PDGFA: variants seen among roughly 807,000 people sequenced by gnomAD.
PDGFA encodes the protein platelet derived growth factor subunit A, also known as platelet-derived growth factor subunit A.
PDGFA carries 9 observed loss-of-function variants against 25.6 expected under a neutral mutation model. The ratio of observed to expected loss-of-function variants is 0.35; its 90% CI spans 0.21 to 0.61. PDGFA has a LOEUF of 0.61. Ranked by LOEUF, PDGFA falls within the 20% of genes least tolerant of loss-of-function variation. The pLI, the probability that PDGFA is intolerant of heterozygous loss-of-function variation, is 0.75. For synonymous variants in PDGFA, 133 were observed against 111.8 expected (o/e 1.19, Z -1.20); for missense variants, 242 against 272.8 (o/e 0.89, Z 0.79).
chr7:498,733 G>A (rs957450928), intron 5 of PDGFA, among the ~76,000 whole-genome samples, 159 bp from the exon 6 acceptor site: 2 of 152,220 alleles, frequency 1.3e-5, no homozygotes, highest in African/African-American at 2.4e-5. Flanking sequence ...AATCACATTT[G>A]CCACATTGGC....
chr7:500,609 C>T lies in PDGFA; in HGVS notation c.580+507G>A. The T allele has an allele frequency of 6.4e-7, 1 of 1,559,282 alleles. No homozygotes were observed. The highest frequency in any genetic ancestry group is 8.7e-7 in the Non-Finnish European group (1 of 1,155,632). On this transcript the variant is annotated intron_variant, in intron 5 of 5. Transcript: ENST00000402802. The surrounding 1 kb of genome is among the most constrained non-coding windows in gnomAD (Gnocchi z 5.0). Reference sequence around the variant, plus strand: ...TGTTTATCTTTCCAGAAGAGAAGGCCAGCACCCTGGCACCGAGAAACTTCT... The same window carrying T: ...TGTTTATCTTTCCAGAAGAGAAGGCTAGCACCCTGGCACCGAGAAACTTCT...
chr7:500,992 T>C lies in PDGFA; in HGVS notation c.580+124A>G. 4.4e-6 allele frequency: 7 copies of C among 1,602,928 alleles called. No homozygotes were observed. Among genetic ancestry groups the C allele is most frequent in the Non-Finnish European group, 5.9e-6 (7 of 1,178,974 alleles). ...GGCCCGGGAGCAGGGCAACGAATCC[T>C]TCAACAGCAGCCCAGATGCTCACAG... On this transcript the variant is annotated intron_variant, in intron 5 of 5. Transcript: ENST00000402802. The surrounding 1 kb of genome is among the most constrained non-coding windows in gnomAD (Gnocchi z 5.0).
chr7:498,199 A>T (rs1782178934), exon 6 of PDGFA: 5 of 253,338 alleles, frequency 2.0e-5, no homozygotes, highest in Non-Finnish European at 7.6e-6. Context: ...CCCGGACAGA[A>T]ATCCAGTCTG....
chr7:500,784 AG>A lies in PDGFA; in HGVS notation c.580+331del. ...ACCTGCTCCTCCCGCCCACCCTGGC[AG>A]GAGGCCCTTCTGCAGATTCTTCTCA... On this transcript the variant is annotated intron_variant, in intron 5 of 5. Transcript: ENST00000402802. The surrounding 1 kb of genome is among the most constrained non-coding windows in gnomAD (Gnocchi z 5.0). 1 of 1,443,136 alleles carries A rather than the reference AG, an allele frequency of 6.9e-7. No individual in the cohort carries two copies. Among genetic ancestry groups the A allele is most frequent in the Non-Finnish European group, 9.1e-7 (1 of 1,099,668 alleles). 89.4% of individuals were successfully genotyped at this position (1,443,136 alleles called of 1,614,324 possible). A position where few individuals can be genotyped will look rare whatever the true frequency, so the allele number is the denominator to read the frequency against.
In PDGFA at chr7:500,996, A is replaced by G. The variant is rs752762323; in HGVS notation, c.580+120T>C. Reference sequence around the variant, plus strand: ...CGGGAGCAGGGCAACGAATCCTTCAACAGCAGCCCAGATGCTCACAGCAGT... The same window carrying G: ...CGGGAGCAGGGCAACGAATCCTTCAGCAGCAGCCCAGATGCTCACAGCAGT... On this transcript the variant is annotated intron_variant, in intron 5 of 5. Transcript: ENST00000402802. The surrounding 1 kb of genome is among the most constrained non-coding windows in gnomAD (Gnocchi z 5.0). 5.6e-6 allele frequency: 9 copies of G among 1,603,918 alleles called. No homozygotes were observed. The highest frequency in any genetic ancestry group is 7.6e-6 in the Non-Finnish European group (9 of 1,179,084).
Position 510,530 on chromosome 7 carries a change from C to T in PDGFA, c.453+279G>A, listed in dbSNP as rs866690163. On this transcript the variant is annotated intron_variant, in intron 4 of 5. Transcript: ENST00000402802. ...AGGGGCAGGGCTCACCTTGACGCTG[C>T]GGTGGTGGACGCGGGAGGGACCCTG... 5.2e-3 allele frequency among the ~76,000 whole-genome samples: 485 copies of T among 92,680 alleles called. 3 individuals are homozygous for T. The highest frequency in any genetic ancestry group is 0.019 in the African/African-American group (429 of 23,012). 60.8% of individuals were successfully genotyped at this position (92,680 alleles called of 152,430 possible). A position where few individuals can be genotyped will look rare whatever the true frequency, so the allele number is the denominator to read the frequency against.
intron 4 of PDGFA, among the ~76,000 whole-genome samples, chr7:504,386 T>C (rs1009039910): frequency 6.6e-6 from 1 of 152,042 alleles, no homozygotes; most frequent in South Asian, 2.1e-4. Context: ...CCTGCAAGCA[T>C]GTCCTCAGCC....
chr7:512,244 G>T, intron 3 of PDGFA, 107 bp downstream of exon 3: 1 of 1,078,332 alleles, frequency 9.3e-7, no homozygotes, highest in Non-Finnish European at 1.3e-6. Flanking sequence ...CCACTGCGCT[G>T]GGAGAGCGGG....
intron 4 of PDGFA, among the ~76,000 whole-genome samples, chr7:509,428 C>T (rs766690819): frequency 1.3e-5 from 2 of 152,110 alleles, no homozygotes; most frequent in African/African-American, 2.4e-5. Flanking sequence ...GTAGCTGGGA[C>T]GACAGGCACT....
intron 3 of PDGFA, among the ~76,000 whole-genome samples, chr7:512,015 G>A (rs1340650386): frequency 6.6e-6 from 1 of 152,218 alleles, no homozygotes; most frequent in African/African-American, 2.4e-5. Context: ...TTCCGGCAAG[G>A]CTCCTGGGGA....
At chr7:511,159 G>A (rs1192511101) in intron 3 of PDGFA, among the ~76,000 whole-genome samples, 163 bp from the exon 4 acceptor site, 1 of 151,814 alleles carries the variant, frequency 6.6e-6, no homozygotes, top group Non-Finnish European at 1.5e-5. Context: ...AGGCTTAGGG[G>A]CTGGGTGGGC....
At chr7:497,938 GT>G (rs1167129905) in exon 6 of PDGFA, 2 of 12,778 alleles carry the variant, frequency 1.6e-4, no homozygotes, top group African/African-American at 2.1e-4. Context: ...ACTTTATGGT[GT>G]AAAAAAAAAA....
chr7:512,577 C>A (rs1010254446), intron 2 of PDGFA, 122 bp from the exon 3 acceptor site: 48 of 1,549,412 alleles, frequency 3.1e-5, no homozygotes, highest in Non-Finnish European at 3.5e-5. Context: ...CCTGGCGGCA[C>A]AGCCCCTCAC....
At chr7:518,909 G>A in intron 1 of PDGFA, 30 bp downstream of exon 1, 1 of 1,473,584 alleles carries the variant, frequency 6.8e-7, no homozygotes, top group Non-Finnish European at 9.1e-7. Flanking sequence ...AGGAGCCGGC[G>A]CAGGGACGGG....
At chr7:502,847 C>G (rs1483138240) in intron 4 of PDGFA, among the ~76,000 whole-genome samples, 1 of 151,126 alleles carries the variant, frequency 6.6e-6, no homozygotes, top group Non-Finnish European at 1.5e-5. Flanking sequence ...GAACACAACT[C>G]CACCCCACAC....
chr7:501,290 G>A (rs776747954), intron 4 of PDGFA, 48 bp from the exon 5 acceptor site: 265 of 1,609,894 alleles, frequency 1.6e-4, no homozygotes, highest in Admixed American at 9.7e-4. Context: ...ATGGAGCTTC[G>A]GACATCACGA....
chr7:501,048 AAC>A, intron 5 of PDGFA, 66 bp downstream of exon 5: 1 of 1,613,370 alleles, frequency 6.2e-7, no homozygotes, highest in Non-Finnish European at 8.5e-7. Flanking sequence ...GGGGCCACCT[AAC>A]ACCCCAAAAG....
intron 4 of PDGFA, among the ~76,000 whole-genome samples, chr7:509,277 G>A (rs1028030203): frequency 6.6e-6 from 1 of 152,182 alleles, no homozygotes. Flanking sequence ...TCTTAAGGTA[G>A]CCATTAAGTC....
Position 500,140 on chromosome 7 carries a change from G to A in PDGFA, c.580+976C>T, listed in dbSNP as rs541721283. Among the ~76,000 whole-genome samples the A allele has an allele frequency of 6.6e-6, 1 of 152,306 alleles. No homozygotes were observed. Among genetic ancestry groups the A allele is most frequent in the Admixed American group, 6.5e-5 (1 of 15,308 alleles). ...GAGCTGCCCCACCGCTGCTCAGGTC[G>A]CCCAACCTGTTCCATTCATGTGCAA... On this transcript the variant is annotated intron_variant, in intron 5 of 5. Transcript: ENST00000402802. This position sits in a 1 kb window ranked among gnomAD's most constrained non-coding sequence, Gnocchi z 5.0.
Sources: allele counts gnomAD v4.1 joint callset (sites outside exome capture counted in the v4.1 genomes callset), GRCh38; gene constraint gnomAD v4.1.1; non-coding constraint Gnocchi (gnomAD v3.1); transcripts MANE v1.5; gene names NCBI Gene and HGNC (gene_info 2026-07-23, HGNC 2026-07-21).